Variants in PTPRD observed in about 807,000 individuals in gnomAD.
PTPRD encodes the protein receptor-type tyrosine-protein phosphatase delta.
In PTPRD, 34 loss-of-function variants were observed where a neutral mutation model predicts 214.5. The observed-to-expected ratio is 0.16, with a 90% confidence interval of 0.12 to 0.21. The LOEUF (loss-of-function observed/expected upper bound fraction) is 0.21, where lower values mean the gene tolerates loss of function less well. Ranked by LOEUF, PTPRD falls within the 10% of genes least tolerant of loss-of-function variation. The probability of loss-of-function intolerance (pLI) is 1.00; values close to 1 mark genes in which losing one functional copy is unlikely to be tolerated. For missense variants in PTPRD, 2,545 were observed against 2,398.7 expected, an observed-to-expected ratio of 1.06 and a Z score of -1.27; for synonymous variants, 1,128 against 845.7, an observed-to-expected ratio of 1.33 and a Z score of -5.79.
intron 12 of PTPRD, among the ~76,000 whole-genome samples, chr9:8,653,205 G>A (rs1481669169): frequency 6.6e-6 from 1 of 152,080 alleles, no homozygotes; most frequent in Non-Finnish European, 1.5e-5. Flanking sequence ...CTAAAGGGAT[G>A]GGCTGCAGTT....
chr9:10,466,735 A>C (rs1222662539), intron 2 of PTPRD, among the ~76,000 whole-genome samples: 1 of 152,152 alleles, frequency 6.6e-6, no homozygotes, highest in Non-Finnish European at 1.5e-5. Flanking sequence ...AGCATCTGAA[A>C]ACTTCACATA....
At position 8,625,507 on chromosome 9, in the gene PTPRD, T is replaced by G. The variant is rs76871288; in HGVS notation, c.352+7810A>C. On this transcript the variant is annotated intron_variant, in intron 14 of 45. Coordinates refer to ENST00000381196, the MANE Select transcript of PTPRD (RefSeq NM_002839.4). The stretch of plus-strand genomic sequence containing the variant: ...CTCACTTATGATTTATAGCTTCATT[T>G]TTTTAATAGCTCTTTTGGTATTTAT... Among the ~76,000 whole-genome samples, 211 of 151,966 alleles carry G rather than the reference T, an allele frequency of 1.4e-3. 2 individuals carry two copies. The highest frequency in any genetic ancestry group is 4.9e-3 in the African/African-American group (205 of 41,528).
chr9:10,299,961 A>G (rs2095810527), intron 3 of PTPRD, among the ~76,000 whole-genome samples: 1 of 152,142 alleles, frequency 6.6e-6, no homozygotes, highest in South Asian at 2.1e-4. Flanking sequence ...CTGACTCACT[A>G]TGTATTCATT....
chr9:9,505,705 T>C (rs2096554874), intron 8 of PTPRD, among the ~76,000 whole-genome samples: 1 of 151,300 alleles, frequency 6.6e-6, no homozygotes, highest in African/African-American at 2.4e-5. Flanking sequence ...CCAGGGAAAA[T>C]AATTGGGTAC....
chr9:8,420,722 G>A (rs1176097544), intron 35 of PTPRD, among the ~76,000 whole-genome samples: 1 of 151,860 alleles, frequency 6.6e-6, no homozygotes, highest in Non-Finnish European at 1.5e-5. Flanking sequence ...AAATTTATAG[G>A]CAGATTTTTA....
At chr9:9,361,563 G>C (rs1166020245) in intron 9 of PTPRD, among the ~76,000 whole-genome samples, 3 of 150,458 alleles carry the variant, frequency 2.0e-5, no homozygotes, top group African/African-American at 7.3e-5. Context: ...ACATGTTTTT[G>C]GTACATGTGA....
At chr9:8,468,263 G>C (rs575999785) in intron 31 of PTPRD, among the ~76,000 whole-genome samples, 1 of 152,036 alleles carries the variant, frequency 6.6e-6, no homozygotes, top group African/African-American at 2.4e-5. Context: ...TGGTTCAAAT[G>C]GGCTCAGATG....
intron 43 of PTPRD, among the ~76,000 whole-genome samples, chr9:8,334,053 C>A (rs906414956): frequency 1.3e-5 from 2 of 152,124 alleles, no homozygotes; most frequent in African/African-American, 4.8e-5. Context: ...TTCTTAGATA[C>A]CTACAAAGAG....
chr9:9,078,452 G>T (rs1395253524), intron 10 of PTPRD, among the ~76,000 whole-genome samples: 1 of 152,018 alleles, frequency 6.6e-6, no homozygotes, highest in Non-Finnish European at 1.5e-5. Context: ...GCATGCTGTG[G>T]CTTCGAAAGG....
intron 35 of PTPRD, among the ~76,000 whole-genome samples, chr9:8,412,738 C>T (rs988413344): frequency 6.6e-6 from 1 of 152,130 alleles, no homozygotes; most frequent in African/African-American, 2.4e-5. Flanking sequence ...AAGTATAAAA[C>T]TGAGGCAACT....
At chr9:9,837,846 C>T (rs942452948) in intron 5 of PTPRD, among the ~76,000 whole-genome samples, 2 of 152,116 alleles carry the variant, frequency 1.3e-5, no homozygotes, top group African/African-American at 4.8e-5. Context: ...TATACATGTG[C>T]CATGTTGGTG....
At chr9:8,716,398 C>A (rs183644095) in intron 12 of PTPRD, among the ~76,000 whole-genome samples, 1 of 152,186 alleles carries the variant, frequency 6.6e-6, no homozygotes, top group Admixed American at 6.5e-5. Flanking sequence ...GTAATAGAAT[C>A]CATTCTCTAA....
intron 8 of PTPRD, among the ~76,000 whole-genome samples, chr9:9,571,725 T>C (rs1003702541): frequency 2.0e-5 from 3 of 150,994 alleles, no homozygotes; most frequent in Non-Finnish European, 4.5e-5. Context: ...TAAATATATA[T>C]ATATTGATTT....
Position 10,053,773 on chromosome 9 carries a change from T to C in PTPRD, c.-544-19983A>G, listed in dbSNP as rs1006681617. ...GACATAGGATGACTTCGCAACTTTT[T>C]TTTTGGCAACAGTCTCACTCTGTAG... On this transcript the variant is annotated intron_variant, in intron 3 of 45. Transcript: ENST00000381196. 2.0e-5 allele frequency among the ~76,000 whole-genome samples: 3 copies of C among 152,162 alleles called. No individual in the cohort carries two copies. The South Asian group carries it at 6.2e-4, about 32-fold the overall frequency.
chr9:10,071,840 A>G (rs1387052652), intron 3 of PTPRD, among the ~76,000 whole-genome samples: 2 of 152,004 alleles, frequency 1.3e-5, no homozygotes, highest in Admixed American at 1.3e-4. Context: ...CTTGACAATT[A>G]TGAGAATTAT....
intron 7 of PTPRD, among the ~76,000 whole-genome samples, chr9:9,645,474 TA>T (rs1263066275): frequency 4.0e-5 from 6 of 148,492 alleles, no homozygotes; most frequent in African/African-American, 1.5e-4. Flanking sequence ...TATATATATA[TA>T]TATATTTTCT....
intron 39 of PTPRD, among the ~76,000 whole-genome samples, chr9:8,358,596 G>C (rs896883391): frequency 5.9e-5 from 9 of 151,986 alleles, no homozygotes; most frequent in African/African-American, 2.2e-4. Context: ...GATACTGTCA[G>C]CAAAATACAT....
chr9:10,234,964 G>A (rs1018387475), intron 3 of PTPRD, among the ~76,000 whole-genome samples: 6 of 151,400 alleles, frequency 4.0e-5, no homozygotes, highest in Non-Finnish European at 8.8e-5. Context: ...AAATATTTTA[G>A]TGCAACATAC....
At chr9:9,027,243 C>T (rs1358311092) in intron 10 of PTPRD, among the ~76,000 whole-genome samples, 3 of 151,778 alleles carry the variant, frequency 2.0e-5, no homozygotes, top group Non-Finnish European at 1.5e-5. Flanking sequence ...CCCCACAAGG[C>T]TCTCTGCCTG....
Sources: gnomAD v4.1 joint callset for allele counts (sites outside exome capture counted in the v4.1 genomes callset) on GRCh38, gnomAD v4.1.1 for gene constraint, MANE v1.5 for transcripts, NCBI Gene and HGNC (gene_info 2026-07-23, HGNC 2026-07-21) for gene names.